ACBD7: variants seen among roughly 807,000 people sequenced by gnomAD.
The protein encoded by ACBD7 is acyl-CoA-binding domain-containing protein 7.
In ACBD7, 11 loss-of-function variants were observed where a neutral mutation model predicts 13.7. That is an observed-to-expected ratio of 0.80 (90% CI 0.50 to 1.33). The LOEUF is 1.33. Among genes scored for constraint, ACBD7 ranks in the 40% most tolerant of loss-of-function variants. The pLI is 0.00. For missense variants in ACBD7, 111 were observed against 103.0 expected (o/e 1.08, Z -0.33); for synonymous variants, 43 against 37.7 (o/e 1.14, Z -0.51).
At position 15,076,955 on chromosome 10, in the gene ACBD7, G is replaced by A. The variant is rs926552243; in HGVS notation, c.*1575C>T. ...TAAAAAGTCAAAAAACAACAGATGT[G>A]GAGAAAAGGGAATGCTTATACACTA... On this transcript the variant is annotated 3_prime_UTR_variant, in exon 4 of 4. Transcript: ENST00000356189. 3.1e-6 allele frequency: 3 copies of A among 980,548 alleles called. No individual in the cohort carries two copies. The African/African-American group carries it at 5.3e-5, about 17-fold the overall frequency. The allele number at this position is 980,548 out of a possible 1,614,324, so 60.7% of individuals were successfully genotyped here.
In ACBD7 at chr10:15,076,433, A is replaced by C. The variant is rs1844682580; in HGVS notation, c.*2097T>G. On this transcript the variant is annotated 3_prime_UTR_variant, in exon 4 of 4. Coordinates refer to ENST00000356189, the MANE Select transcript of ACBD7 (RefSeq NM_001039844.3). ...TGTCTTAAATGTCTTAAATGTAAAA[A>C]TTTAAAGAAAAATAGATATTCCTAT... 2 of 974,340 alleles carry C rather than the reference A, an allele frequency of 2.1e-6. No homozygotes were observed. Among genetic ancestry groups the C allele is most frequent in the Non-Finnish European group, 2.4e-6 (2 of 819,940 alleles). 60.4% of individuals were successfully genotyped at this position (974,340 alleles called of 1,614,324 possible).
intron 1 of ACBD7, among the ~76,000 whole-genome samples, chr10:15,085,918 G>T (rs1479795988): frequency 6.6e-6 from 1 of 152,202 alleles, no homozygotes; most frequent in Non-Finnish European, 1.5e-5. Context: ...CATCTTGGCA[G>T]AACACTAGTA....
chr10:15,084,731 T>A (rs1844789968), intron 1 of ACBD7, among the ~76,000 whole-genome samples: 1 of 152,162 alleles, frequency 6.6e-6, no homozygotes. Context: ...TGGCTCACGA[T>A]CAGTCTGACT....
chr10:15,088,676 C>T (rs12261006), intron 1 of ACBD7, 41 bp downstream of exon 1: 209,006 of 1,589,138 alleles, frequency 0.13, 14,489 homozygotes, highest in Middle Eastern at 0.2. Context: ...ACTCCCCTCG[C>T]GGAGCGCCCC....
rs1844681927 is a variant in ACBD7 at position 15,076,363 on chromosome 10, A to G, written c.*2167T>C. The G allele has an allele frequency of 5.1e-6, 5 of 985,350 alleles. No individual in the cohort carries two copies. The highest frequency in any genetic ancestry group is 3.6e-6 in the Non-Finnish European group (3 of 829,874). 61.0% of individuals were successfully genotyped at this position (985,350 alleles called of 1,614,324 possible). A position where few individuals can be genotyped will look rare whatever the true frequency, so the allele number is the denominator to read the frequency against. On this transcript the variant is annotated 3_prime_UTR_variant, in exon 4 of 4. Transcript: ENST00000356189. The stretch of plus-strand genomic sequence containing the variant: ...AGATAGAACTGAACATATGGGGTAC[A>G]GTAGTGGTACAGTTTATCACTAGAT...
intron 1 of ACBD7, among the ~76,000 whole-genome samples, chr10:15,084,969 G>T (rs575028297): frequency 8.6e-5 from 13 of 151,488 alleles, no homozygotes; most frequent in African/African-American, 2.9e-4. Flanking sequence ...AGTGTGAATC[G>T]GCCTTAGGTT....
At chr10:15,082,652 T>A (rs1844763408) in intron 1 of ACBD7, among the ~76,000 whole-genome samples, 1 of 152,170 alleles carries the variant, frequency 6.6e-6, no homozygotes, top group African/African-American at 2.4e-5. Context: ...GGTGTTCTGC[T>A]TGCTGTAAAG....
intron 1 of ACBD7, chr10:15,088,494 ACCC>A (rs375877351): frequency 1.1e-4 from 67 of 607,836 alleles, no homozygotes; most frequent in African/African-American, 1.0e-3. Context: ...TTTTCCGCTC[ACCC>A]GGCCCCTGGG....
chr10:15,078,434 G>A lies in ACBD7; in HGVS notation c.*96C>T. 12 of 1,597,706 alleles carry A rather than the reference G, an allele frequency of 7.5e-6. No homozygotes were observed. The highest frequency in any genetic ancestry group is 1.0e-5 in the Non-Finnish European group (12 of 1,173,594). On this transcript the variant is annotated 3_prime_UTR_variant, in exon 4 of 4. Coordinates refer to ENST00000356189, the MANE Select transcript of ACBD7 (RefSeq NM_001039844.3). ...TCATGCTAATAGCAAAAATATACAT[G>A]ATACATCAAGTTAACAGTATGCCTC... is the stretch of plus-strand genomic sequence containing the variant.
chr10:15,084,561 G>A (rs1353419892), intron 1 of ACBD7, among the ~76,000 whole-genome samples: 1 of 152,192 alleles, frequency 6.6e-6, no homozygotes, highest in Non-Finnish European at 1.5e-5. Context: ...GGAGCAGGCC[G>A]AGCACAGGGA....
rs140288833 is a variant in ACBD7, at chr10:15,083,335, G to A, written c.13-4295C>T. Among the ~76,000 whole-genome samples the A allele has an allele frequency of 1.5e-3, 234 of 152,296 alleles. 2 individuals carry two copies. The highest frequency in any genetic ancestry group is 3.5e-3 in the East Asian group (18 of 5,184). ...ATGAGCTGGAGTACAAACAACATTGGCCTTGGCCAGGATACTCAGGTTTGA... is the reference window on the plus strand; with the variant it reads ...ATGAGCTGGAGTACAAACAACATTGACCTTGGCCAGGATACTCAGGTTTGA... On this transcript the variant is annotated intron_variant, in intron 1 of 3. Coordinates refer to ENST00000356189, the MANE Select transcript of ACBD7 (RefSeq NM_001039844.3).
In ACBD7 at chr10:15,077,765, C is replaced by T. The variant is rs71485545; in HGVS notation, c.*765G>A. ...GCAAGCACCTGTAATCCCAGCTACTCGGGAGGCTGAGGCAAGAGAATCACT... is the reference window on the plus strand; with the variant it reads ...GCAAGCACCTGTAATCCCAGCTACTTGGGAGGCTGAGGCAAGAGAATCACT... On this transcript the variant is annotated 3_prime_UTR_variant, in exon 4 of 4. Coordinates refer to ENST00000356189, the MANE Select transcript of ACBD7 (RefSeq NM_001039844.3). 8,304 of 152,186 alleles carry T rather than the reference C, an allele frequency of 0.055. 252 individuals are homozygous for T. The highest frequency in any genetic ancestry group is 0.12 in the Middle Eastern group (37 of 296). The allele number at this position is 152,186 out of a possible 1,614,324, so 9.4% of individuals were successfully genotyped here. A position where few individuals can be genotyped will look rare whatever the true frequency, so the allele number is the denominator to read the frequency against.
chr10:15,088,550 G>A (rs144041380), intron 1 of ACBD7, 167 bp downstream of exon 1: 17,656 of 935,002 alleles, frequency 0.019, 197 homozygotes, highest in Non-Finnish European at 0.023. Context: ...GCCGTCAGCA[G>A]GCACAGGTGC....
intron 1 of ACBD7, among the ~76,000 whole-genome samples, chr10:15,081,042 C>G (rs971672972): frequency 6.6e-6 from 1 of 152,122 alleles, no homozygotes; most frequent in South Asian, 2.1e-4. Context: ...CAGTACCCTG[C>G]GGGCTCAGCG....
chr10:15,087,921 G>A (rs1844828038), intron 1 of ACBD7, among the ~76,000 whole-genome samples: 1 of 152,070 alleles, frequency 6.6e-6, no homozygotes, highest in South Asian at 2.1e-4. Flanking sequence ...CTGGGAGGTG[G>A]AGGTTGCAGT....
chr10:15,087,013 CAA>C (rs542190096), intron 1 of ACBD7, among the ~76,000 whole-genome samples: 21 of 107,324 alleles, frequency 2.0e-4, no homozygotes, highest in Non-Finnish European at 1.5e-4. Flanking sequence ...AACTCCATCT[CAA>C]AAAAAAAAAA....
At chr10:15,082,283 CAAAAAAAAAAA>C (rs78001272) in intron 1 of ACBD7, among the ~76,000 whole-genome samples, 2 of 65,790 alleles carry the variant, frequency 3.0e-5, no homozygotes, top group East Asian at 1.2e-3. Context: ...AAGACTATCT[CAAAAAAAAAAA>C]AAAAAAAAAG....
At chr10:15,080,886 G>C (rs1418890989) in intron 1 of ACBD7, among the ~76,000 whole-genome samples, 1 of 152,134 alleles carries the variant, frequency 6.6e-6, no homozygotes, top group Non-Finnish European at 1.5e-5. Context: ...GGATAAGCAG[G>C]AATTGTCAGT....
intron 1 of ACBD7, among the ~76,000 whole-genome samples, chr10:15,085,580 G>C (rs978963359): frequency 2.0e-5 from 3 of 152,208 alleles, no homozygotes; most frequent in Non-Finnish European, 4.4e-5. Context: ...GGGGGAAGAG[G>C]TTAGTCTTTT....
Sources: gnomAD v4.1 joint callset for allele counts (sites outside exome capture counted in the v4.1 genomes callset) on GRCh38, gnomAD v4.1.1 for gene constraint, MANE v1.5 for transcripts, NCBI Gene and HGNC (gene_info 2026-07-23, HGNC 2026-07-21) for gene names.